CLEC4G: variants seen among roughly 807,000 people sequenced by gnomAD.
CLEC4G encodes C-type lectin superfamily 4, member G.
CLEC4G carries 34 observed loss-of-function variants against 37.0 expected under a neutral mutation model. That is an observed-to-expected ratio of 0.92 (90% CI 0.70 to 1.22). The LOEUF (loss-of-function observed/expected upper bound fraction) is 1.22. Among genes scored for constraint, CLEC4G ranks in the 50% most tolerant of loss-of-function variants. CLEC4G has a pLI of 0.00. For missense variants in CLEC4G, 390 were observed against 392.9 expected, an observed-to-expected ratio of 0.99 and a Z score of 0.06; for synonymous variants, 167 against 165.6, an observed-to-expected ratio of 1.01 and a Z score of -0.06.
intron 2 of CLEC4G, 153 bp from the exon 3 acceptor site, chr19:7,731,472 C>G: frequency 6.8e-7 from 1 of 1,472,404 alleles, no homozygotes; most frequent in Non-Finnish European, 9.0e-7. Flanking sequence ...GACAAACGCG[C>G]GGGGACTCGC....
In CLEC4G at chr19:7,729,290, C is replaced by T. The variant is rs1283694577; in HGVS notation, c.*76G>A. 4.1e-6 allele frequency: 4 copies of T among 972,168 alleles called. No homozygotes were observed. Among genetic ancestry groups the T allele is most frequent in the Non-Finnish European group, 6.6e-6 (4 of 603,760 alleles). 60.2% of individuals were successfully genotyped at this position (972,168 alleles called of 1,614,324 possible). ...AGAAAAAACTCTTTGGCAATCAGCT[C>T]CAGGAGCCAGGGAGGTGAGCAGCCC... is the stretch of plus-strand genomic sequence containing the variant. On this transcript the variant is annotated 3_prime_UTR_variant, in exon 9 of 9. Coordinates refer to ENST00000328853, the MANE Select transcript of CLEC4G (RefSeq NM_198492.4).
chr19:7,729,526 G>T, intron 8 of CLEC4G, 22 bp from the exon 9 acceptor site: 1 of 1,559,516 alleles, frequency 6.4e-7, no homozygotes, highest in African/African-American at 1.4e-5. Context: ...TTGAGTGGGG[G>T]TGTTGCTGGG....
intron 3 of CLEC4G, 66 bp downstream of exon 3, chr19:7,731,200 C>T (rs1440128540): frequency 3.4e-5 from 53 of 1,569,894 alleles, no homozygotes; most frequent in Non-Finnish European, 4.5e-5. Flanking sequence ...GAGACTCCAT[C>T]TCCGGGGTCT....
intron 2 of CLEC4G, 41 bp from the exon 3 acceptor site, chr19:7,731,360 G>A (rs1382877266): frequency 1.3e-6 from 2 of 1,543,640 alleles, no homozygotes; most frequent in Non-Finnish European, 1.7e-6. Context: ...GGGAACTCGG[G>A]AATCCTCCCC....
chr19:7,731,857 A>G (rs1017342264), intron 1 of CLEC4G, 86 bp from the exon 2 acceptor site: 2 of 1,541,706 alleles, frequency 1.3e-6, no homozygotes, highest in Non-Finnish European at 1.7e-6. Flanking sequence ...GATTCAGAGA[A>G]GTTAAGTAAC....
chr19:7,730,970 C>A lies in CLEC4G; in HGVS notation c.283+56G>T. ...CAGGCCTCCGCCCCGGCCCCCCTCC[C>A]ATCGCGGCCGCAAGACCCCATCCCT... On this transcript the variant is annotated intron_variant, in intron 4 of 8. Transcript: ENST00000328853. This position sits in a 1 kb window ranked among gnomAD's most constrained non-coding sequence, Gnocchi z 7.3. 1 of 1,531,872 alleles carries A rather than the reference C, an allele frequency of 6.5e-7. No homozygotes were observed. The highest frequency in any genetic ancestry group is 2.4e-5 in the East Asian group (1 of 41,234). 94.9% of individuals were successfully genotyped at this position (1,531,872 alleles called of 1,614,324 possible). A position where few individuals can be genotyped will look rare whatever the true frequency, so the allele number is the denominator to read the frequency against.
Position 7,729,088 on chromosome 19 carries a change from T to C in CLEC4G, c.*278A>G, listed in dbSNP as rs1235960859. 3.5e-6 allele frequency: 2 copies of C among 566,386 alleles called. No homozygotes were observed. Among genetic ancestry groups the C allele is most frequent in the Non-Finnish European group, 3.4e-6 (1 of 297,746 alleles). 35.1% of individuals were successfully genotyped at this position (566,386 alleles called of 1,614,324 possible). ...ACCTAACCTTGGTTAGGGAGAGAAG[T>C]GGAGGCATATCACGGGGACGCAGGA... On this transcript the variant is annotated 3_prime_UTR_variant, in exon 9 of 9. Coordinates refer to ENST00000328853, the MANE Select transcript of CLEC4G (RefSeq NM_198492.4).
In CLEC4G at chr19:7,730,216, C is replaced by A; in HGVS notation, c.479-49G>T. On this transcript the variant is annotated intron_variant, in intron 6 of 8. Coordinates refer to ENST00000328853, the MANE Select transcript of CLEC4G (RefSeq NM_198492.4). This position sits in a 1 kb window ranked among gnomAD's most constrained non-coding sequence, Gnocchi z 7.3. ...AGGTCGCGTGCTTCCAGGGGCAACG[C>A]ACCGAGAGGATGCAGTGGGTAGGGG... The A allele has an allele frequency of 1.3e-6, 2 of 1,598,028 alleles. No individual in the cohort carries two copies. The highest frequency in any genetic ancestry group is 1.7e-6 in the Non-Finnish European group (2 of 1,173,410).
rs1175894695 is a variant in CLEC4G at position 7,730,655 on chromosome 19, G to C, written c.388+100C>G. On this transcript the variant is annotated intron_variant, in intron 5 of 8. Transcript: ENST00000328853. The surrounding 1 kb of genome is among the most constrained non-coding windows in gnomAD (Gnocchi z 7.3). ...GGTCAGAGTGCAGCGTCAGGGTCAG[G>C]ACGGGGTGCATGATCGGGGTCGGGG... The C allele has an allele frequency of 6.8e-7, 1 of 1,468,278 alleles. No homozygotes were observed. The highest frequency in any genetic ancestry group is 1.4e-5 in the African/African-American group (1 of 71,258). The allele number at this position is 1,468,278 out of a possible 1,614,324, so 91.0% of individuals were successfully genotyped here.
chr19:7,729,712 C>A (rs549801343), intron 8 of CLEC4G, 109 bp downstream of exon 8: 18 of 1,529,860 alleles, frequency 1.2e-5, no homozygotes, highest in Non-Finnish European at 1.5e-5. Context: ...GCCTGCCCAT[C>A]CCTAAGTATG....
chr19:7,731,914 C>T, intron 1 of CLEC4G, 134 bp downstream of exon 1: 1 of 1,509,954 alleles, frequency 6.6e-7, no homozygotes, highest in Non-Finnish European at 9.0e-7. Context: ...GGAATTGGAC[C>T]CTGGTCCAAC....
Position 7,730,277 on chromosome 19 carries a change from C to A in CLEC4G, c.478+74G>T. ...CGGGCTCAGGGGTGGAGACACAGAA[C>A]CAGGCCAAGGTCCAGGAGTGACAGG... On this transcript the variant is annotated intron_variant, in intron 6 of 8. Coordinates refer to ENST00000328853, the MANE Select transcript of CLEC4G (RefSeq NM_198492.4). The surrounding 1 kb of genome is among the most constrained non-coding windows in gnomAD (Gnocchi z 7.3). 6.4e-7 allele frequency: 1 copy of A among 1,573,048 alleles called. No homozygotes were observed. The highest frequency in any genetic ancestry group is 1.2e-5 in the South Asian group (1 of 86,922).
In CLEC4G at chr19:7,732,082, G is replaced by A. The variant is rs764568278; in HGVS notation, c.21C>T (p.Ser7=). The part of the protein sequence containing the change: MDTTRY[S]KWGGSSEEVP... ...CCTCCTCGGAGCTGCCGCCCCACTT[G>A]CTGTACCTGGTGGTGTCCATGGCGA... is the stretch of plus-strand genomic sequence containing the variant. The change falls in exon 1 of 9, where the codon AGC becomes AGT. Residue 7 remains serine (S), a synonymous_variant. Transcript: ENST00000328853. The A allele has an allele frequency of 6.2e-7, 1 of 1,609,694 alleles. No individual in the cohort carries two copies. The highest frequency in any genetic ancestry group is 8.5e-7 in the Non-Finnish European group (1 of 1,176,038).
At position 7,730,397 on chromosome 19, in the gene CLEC4G, G is replaced by C. The variant is rs1317491377; in HGVS notation, c.432C>G (p.Val144=). ...LAEAGRGRED[V]RTELFRALEA... The stretch of plus-strand genomic sequence containing the variant: ...CCAGCGCCCGGAACAGCTCAGTGCG[G>C]ACGTCCTCACGGCCCCTGCCGGCTT... The change falls in exon 6 of 9, where the codon GTC becomes GTG. Residue 144 remains valine (V), a synonymous_variant. Transcript: ENST00000328853. This position sits in a 1 kb window ranked among gnomAD's most constrained non-coding sequence, Gnocchi z 7.3. 2.5e-6 allele frequency: 4 copies of C among 1,602,672 alleles called. No individual in the cohort carries two copies. The Admixed American group carries it at 6.7e-5, about 27-fold the overall frequency.
Position 7,729,087 on chromosome 19 carries a change from G to A in CLEC4G, c.*279C>T. The A allele has an allele frequency of 3.5e-6, 2 of 567,716 alleles. No individual in the cohort carries two copies. The highest frequency in any genetic ancestry group is 3.2e-5 in the South Asian group (2 of 62,638). The allele number at this position is 567,716 out of a possible 1,614,324, so 35.2% of individuals were successfully genotyped here. A position where few individuals can be genotyped will look rare whatever the true frequency, so the allele number is the denominator to read the frequency against. ...CACCTAACCTTGGTTAGGGAGAGAAGTGGAGGCATATCACGGGGACGCAGG... is the reference window on the plus strand; with the variant it reads ...CACCTAACCTTGGTTAGGGAGAGAAATGGAGGCATATCACGGGGACGCAGG... On this transcript the variant is annotated 3_prime_UTR_variant, in exon 9 of 9. Transcript: ENST00000328853.
Position 7,730,643 on chromosome 19 carries a change from C to T in CLEC4G, c.388+112G>A. 1 of 1,453,970 alleles carries T rather than the reference C, an allele frequency of 6.9e-7. No homozygotes were observed. Among genetic ancestry groups the T allele is most frequent in the Non-Finnish European group, 9.0e-7 (1 of 1,105,172 alleles). 90.1% of individuals were successfully genotyped at this position (1,453,970 alleles called of 1,614,324 possible). On this transcript the variant is annotated intron_variant, in intron 5 of 8. Transcript: ENST00000328853. The surrounding 1 kb of genome is among the most constrained non-coding windows in gnomAD (Gnocchi z 7.3). ...AGTGGCAGTCAAGGTCAGAGTGCAG[C>T]GTCAGGGTCAGGACGGGGTGCATGA... is the stretch of plus-strand genomic sequence containing the variant.
At position 7,731,677 on chromosome 19, in the gene CLEC4G, A is replaced by C; in HGVS notation, c.150T>G (p.Ser50Arg). Residue 50 changes from serine to arginine, a missense_variant, in exon 2 of 9, where the codon AGT becomes AGG. Coordinates refer to ENST00000328853, the MANE Select transcript of CLEC4G (RefSeq NM_198492.4). ...GTCACTCACCCTTGGACAATAGGAT[A>C]CTCAGAATCACAGCCCAAAGGACTG... ...VTTVLWAVIL[S>R]ILLSKASTER... 1 of 1,614,042 alleles carries C rather than the reference A, an allele frequency of 6.2e-7. No homozygotes were observed. The highest frequency in any genetic ancestry group is 8.5e-7 in the Non-Finnish European group (1 of 1,179,964).
At chr19:7,731,130 C>T (rs1021254709) in intron 3 of CLEC4G, 42 bp from the exon 4 acceptor site, 3 of 1,602,544 alleles carry the variant, frequency 1.9e-6, no homozygotes, top group African/African-American at 1.3e-5. Flanking sequence ...CCTCGGGTCA[C>T]TTGGGAGGAC....
Position 7,729,446 on chromosome 19 carries a change from G to T in CLEC4G, c.802C>A (p.Leu268Met). ...AWGRENCVMM[L>M]HTGLWNDAPC... is the part of the protein sequence containing the mutation. ...GCGTCGTTCCACAGCCCCGTGTGCA[G>T]CATCATGACACAGTTCTCGCGCCCC... The change falls in exon 9 of 9, where the codon CTG becomes ATG. Residue 268 changes from leucine to methionine, a missense_variant. By Grantham distance (15) the Leu-to-Met change is conservative (BLOSUM62 2). Transcript: ENST00000328853. 1 of 1,601,260 alleles carries T rather than the reference G, an allele frequency of 6.2e-7. No individual in the cohort carries two copies. Among genetic ancestry groups the T allele is most frequent in the Non-Finnish European group, 8.6e-7 (1 of 1,168,398 alleles).
Sources: allele counts gnomAD v4.1 joint callset, GRCh38; gene constraint gnomAD v4.1.1; non-coding constraint Gnocchi (gnomAD v3.1); transcripts MANE v1.5; gene names NCBI Gene and HGNC (gene_info 2026-07-23, HGNC 2026-07-21).